NAALAD2: variants seen among roughly 807,000 people sequenced by gnomAD.
NAALAD2 encodes N-acetylated-alpha-linked acidic dipeptidase 2.
Under a neutral mutation model 95.6 loss-of-function variants are expected in NAALAD2, and 89 were observed. That is an observed-to-expected ratio of 0.93 (90% confidence interval 0.78 to 1.11). The LOEUF is 1.11. NAALAD2 is among the 50% of genes least tolerant of loss of function. The probability of loss-of-function intolerance (pLI) is 0.00; values close to 1 mark genes in which losing one functional copy is unlikely to be tolerated. For synonymous variants in NAALAD2, 264 were observed against 294.4 expected (o/e 0.90, Z 1.06); for missense variants, 894 against 872.4 (o/e 1.02, Z -0.31).
intron 15 of NAALAD2, among the ~76,000 whole-genome samples, chr11:90,177,586 G>GTTTTGTTTTTTTTTTTTTTTTTTTTT (rs1952833043): frequency 7.0e-5 from 2 of 28,456 alleles, no homozygotes; most frequent in African/African-American, 1.4e-4. Context: ...TCTTTTTCTT[G>GTTTTGTTTTTTTTTTTTTTTTTTTTT]TTTTTTTTTT....
At chr11:90,151,415 G>A (rs991591928) in intron 5 of NAALAD2, among the ~76,000 whole-genome samples, 5 of 152,038 alleles carry the variant, frequency 3.3e-5, no homozygotes, top group African/African-American at 9.7e-5. Context: ...CGCTACTGAC[G>A]ATGTTTGTCT....
intron 16 of NAALAD2, among the ~76,000 whole-genome samples, chr11:90,180,066 G>GATGAATGA (rs5793435): frequency 2.7e-5 from 4 of 150,574 alleles, no homozygotes; most frequent in African/African-American, 9.8e-5. Context: ...AGGTATAATT[G>GATGAATGA]ATGAATGAAT....
rs1425431381 is a variant in NAALAD2 at position 90,182,286 on chromosome 11, C to T, written c.1940+585C>T. The stretch of plus-strand genomic sequence containing the variant: ...GCATAAATTTATCCACAGATGTGTC[C>T]ATGTCACATTTATTTTTTCAGATGT... On this transcript the variant is annotated intron_variant, in intron 17 of 18. Transcript: ENST00000534061. Among the ~76,000 whole-genome samples, 9 of 152,082 alleles carry T rather than the reference C, an allele frequency of 5.9e-5. No homozygotes were observed. The East Asian group carries it at 1.5e-3, about 26-fold the overall frequency.
intron 11 of NAALAD2, among the ~76,000 whole-genome samples, chr11:90,167,438 C>A (rs1483166485): frequency 6.6e-6 from 1 of 152,204 alleles, no homozygotes. Context: ...CCCGCCGCGG[C>A]CGCTGCACAG....
chr11:90,143,452 A>C (rs1332116411), intron 2 of NAALAD2, among the ~76,000 whole-genome samples: 1 of 152,140 alleles, frequency 6.6e-6, no homozygotes, highest in Non-Finnish European at 1.5e-5. Context: ...AGAAGTTTAC[A>C]GTCATTAAAT....
chr11:90,149,129 A>G, intron 4 of NAALAD2, 22 bp downstream of exon 4: 1 of 1,466,522 alleles, frequency 6.8e-7, no homozygotes, highest in South Asian at 1.2e-5. Flanking sequence ...TACTTTTGTA[A>G]TCCAAGTCTT....
chr11:90,167,501 G>T (rs1168968349), intron 11 of NAALAD2, among the ~76,000 whole-genome samples: 2 of 152,202 alleles, frequency 1.3e-5, no homozygotes, highest in African/African-American at 4.8e-5. Context: ...CAGTCCCATC[G>T]ACTGACCAAG....
At chr11:90,182,180 T>G (rs980455494) in intron 17 of NAALAD2, among the ~76,000 whole-genome samples, 1 of 152,142 alleles carries the variant, frequency 6.6e-6, no homozygotes, top group Non-Finnish European at 1.5e-5. Context: ...GGATAATTTT[T>G]TTTGCATTTT....
Position 90,167,572 on chromosome 11 carries a change from G to C in NAALAD2, c.1279-1357G>C, listed in dbSNP as rs573134557. Among the ~76,000 whole-genome samples, 67 of 152,312 alleles carry C rather than the reference G, an allele frequency of 4.4e-4. 2 individuals are homozygous for C. Among genetic ancestry groups the C allele is most frequent in the Middle Eastern group, 3.4e-3 (1 of 294 alleles). On this transcript the variant is annotated intron_variant, in intron 11 of 18. Coordinates refer to ENST00000534061, the MANE Select transcript of NAALAD2 (RefSeq NM_005467.4). The stretch of plus-strand genomic sequence containing the variant: ...AGGCAGCTCCACCTGTGGCCCCGGT[G>C]TGGGATCCACTGAGTGAAGCCAGCT...
intron 2 of NAALAD2, among the ~76,000 whole-genome samples, chr11:90,145,110 C>G (rs1951718681): frequency 1.3e-5 from 2 of 152,040 alleles, no homozygotes; most frequent in African/African-American, 4.8e-5. Flanking sequence ...CCCTATTTTG[C>G]CTAATGAAAT....
At chr11:90,141,293 A>G (rs1255903236) in intron 2 of NAALAD2, among the ~76,000 whole-genome samples, 1 of 152,202 alleles carries the variant, frequency 6.6e-6, no homozygotes, top group East Asian at 1.9e-4. Context: ...TAGGAATTAC[A>G]TTAATCCTAT....
intron 6 of NAALAD2, among the ~76,000 whole-genome samples, chr11:90,156,847 C>G (rs960033954): frequency 6.6e-6 from 1 of 152,070 alleles, no homozygotes; most frequent in African/African-American, 2.4e-5. Context: ...TCTGATTTCC[C>G]TTTTCATTTC....
intron 6 of NAALAD2, among the ~76,000 whole-genome samples, chr11:90,155,839 T>A (rs2134891286): frequency 1.0e-5 from 1 of 100,056 alleles, no homozygotes; most frequent in African/African-American, 5.0e-5. Flanking sequence ...ATATGTAATA[T>A]ATATGTTATA....
chr11:90,166,911 A>G (rs1468424093), intron 11 of NAALAD2, among the ~76,000 whole-genome samples: 1 of 151,684 alleles, frequency 6.6e-6, no homozygotes, highest in Non-Finnish European at 1.5e-5. Context: ...GCACTTTGGG[A>G]GGCTGAGACA....
At position 90,191,736 on chromosome 11, in the gene NAALAD2, G is replaced by A; in HGVS notation, c.2212G>A (p.Glu738Lys). The A allele has an allele frequency of 6.3e-7, 1 of 1,583,730 alleles. No homozygotes were observed. The change falls in exon 19 of 19, where the codon GAA becomes AAA. Residue 738 changes from glutamate to lysine, a missense_variant. Glu to Lys is a moderately conservative substitution (Grantham distance 56). Transcript: ENST00000534061. ...TIQAAAGTLKEVL is the reference protein window; with the variant it reads ...TIQAAAGTLKKVL ...TCAAGCAGCAGCAGGAACTCTGAAA[G>A]AAGTATTATAGAAGGTCTCAAGTGG... is the stretch of plus-strand genomic sequence containing the variant.
chr11:90,171,901 A>G (rs545433564), intron 13 of NAALAD2, among the ~76,000 whole-genome samples: 3 of 152,220 alleles, frequency 2.0e-5, no homozygotes, highest in Non-Finnish European at 4.4e-5. Context: ...CATCTAGCCG[A>G]GTGTGGTGGC....
At chr11:90,158,072 A>G in intron 6 of NAALAD2, 73 bp from the exon 7 acceptor site, 1 of 1,122,622 alleles carries the variant, frequency 8.9e-7, no homozygotes, top group Non-Finnish European at 1.3e-6. Context: ...TGCAACGGTT[A>G]TGCAAAAAAT....
At chr11:90,175,044 G>GATGGGGTTGTAA (rs1204250237) in intron 14 of NAALAD2, among the ~76,000 whole-genome samples, 31 of 152,192 alleles carry the variant, frequency 2.0e-4, no homozygotes, top group African/African-American at 7.5e-4. Flanking sequence ...CCATCCCCAA[G>GATGGGGTTGTAA]ATATCTCACT....
chr11:90,149,067 T>G lies in NAALAD2; in HGVS notation c.443T>G (p.Val148Gly). ...GGCTATGAGAATGTTACAAATATTG[T>G]GCCACCATATAATGCTTTCTCAGCC... The part of the protein sequence containing the change: ...PDGYENVTNI[V>G]PPYNAFSAQG... The change falls in exon 4 of 19, where the codon GTG becomes GGG. Residue 148 changes from valine to glycine, a missense_variant. Physicochemically the swap from Val to Gly is moderately radical, Grantham distance 109 (BLOSUM62 -3). Coordinates refer to ENST00000534061, the MANE Select transcript of NAALAD2 (RefSeq NM_005467.4). 1.2e-6 allele frequency: 2 copies of G among 1,606,952 alleles called. No homozygotes were observed. Among genetic ancestry groups the G allele is most frequent in the Non-Finnish European group, 1.7e-6 (2 of 1,176,750 alleles).
Sources: gnomAD v4.1 joint callset for allele counts (sites outside exome capture counted in the v4.1 genomes callset) on GRCh38, gnomAD v4.1.1 for gene constraint, MANE v1.5 for transcripts, NCBI Gene and HGNC (gene_info 2026-07-23, HGNC 2026-07-21) for gene names.